NDUFA8: variants seen among roughly 807,000 people sequenced by gnomAD.
NDUFA8 encodes NADH:ubiquinone oxidoreductase subunit A8, also known as NADH dehydrogenase [ubiquinone] 1 alpha subcomplex subunit 8.
In NDUFA8, 16 loss-of-function variants were observed where a neutral mutation model predicts 20.9. That is an observed-to-expected ratio of 0.77 (90% CI 0.52 to 1.16). NDUFA8 has a LOEUF of 1.16. Among genes scored for constraint, NDUFA8 ranks in the 50% most tolerant of loss-of-function variants. The pLI is 0.00. For missense variants in NDUFA8, 202 were observed against 216.4 expected (o/e 0.93, Z 0.42); for synonymous variants, 70 against 76.1 (o/e 0.92, Z 0.41).
intron 2 of NDUFA8, among the ~76,000 whole-genome samples, chr9:122,150,971 CAAAAAAAAAAAAAA>C (rs71508152): frequency 2.0e-5 from 1 of 50,416 alleles, no homozygotes; most frequent in Non-Finnish European, 3.2e-5. Context: ...GACTCCGTCT[CAAAAAAAAAAAAAA>C]AAAAAAAAAA....
At chr9:122,153,375 C>CTATTCCATCTAGTAA (rs1564410204) in intron 1 of NDUFA8, among the ~76,000 whole-genome samples, 1 of 141,104 alleles carries the variant, frequency 7.1e-6, no homozygotes, top group African/African-American at 2.7e-5. Flanking sequence ...CAAAGAGCAT[C>CTATTCCATCTAGTAA]TAGTCCATCT....
chr9:122,144,224 G>A lies in NDUFA8; in HGVS notation c.*17C>T. 1.9e-6 allele frequency: 3 copies of A among 1,613,292 alleles called. No individual in the cohort carries two copies. The highest frequency in any genetic ancestry group is 3.3e-5 in the Admixed American group (2 of 60,034). ...GTTGTCTGAGCACATGACCGAGTGT[G>A]GGCCACGGACCCATCTTTACTTGGT... On this transcript the variant is annotated 3_prime_UTR_variant, in exon 4 of 4. Transcript: ENST00000373768.
intron 3 of NDUFA8, among the ~76,000 whole-genome samples, chr9:122,146,641 A>AATCCC (rs753542456): frequency 3.8e-4 from 58 of 152,370 alleles, no homozygotes; most frequent in Middle Eastern, 6.8e-3. Context: ...GGTGACCTGT[A>AATCCC]ATCCCATCAC....
rs746044728 is a variant in NDUFA8 at position 122,148,267 on chromosome 9, G to GT, written c.225dup (p.Arg76ThrfsTer15). ...TCTGTAAAAGGCTCTGCACAGTGACGTTTTATCTGCCTGGAAAAGAAAGCT... is the reference window on the plus strand; with the variant it reads ...TCTGTAAAAGGCTCTGCACAGTGACGTTTTTATCTGCCTGGAAAAGAAAGCT... On this transcript the variant is annotated frameshift_variant, in exon 3 of 4. Coordinates refer to ENST00000373768, the MANE Select transcript of NDUFA8 (RefSeq NM_014222.3). LOFTEE classifies it high-confidence loss of function. 7 of 1,613,956 alleles carry GT rather than the reference G, an allele frequency of 4.3e-6. No homozygotes were observed. Among genetic ancestry groups the GT allele is most frequent in the Non-Finnish European group, 5.9e-6 (7 of 1,179,996 alleles).
chr9:122,150,644 A>C (rs1828980547), intron 2 of NDUFA8, among the ~76,000 whole-genome samples: 1 of 152,072 alleles, frequency 6.6e-6, no homozygotes. Flanking sequence ...TGGTTGGTTT[A>C]TCCACTGATG....
intron 2 of NDUFA8, among the ~76,000 whole-genome samples, chr9:122,150,080 T>C (rs958272245): frequency 2.0e-5 from 3 of 152,110 alleles, no homozygotes; most frequent in South Asian, 2.1e-4. Context: ...ATACTATGCA[T>C]ACCAGAATCC....
chr9:122,146,949 G>A (rs1239005435), intron 3 of NDUFA8, among the ~76,000 whole-genome samples: 1 of 152,206 alleles, frequency 6.6e-6, no homozygotes, highest in East Asian at 1.9e-4. Context: ...AGGGAGCTGA[G>A]GCTGAAGAAG....
At chr9:122,153,487 C>T (rs571986961) in intron 1 of NDUFA8, among the ~76,000 whole-genome samples, 3 of 151,902 alleles carry the variant, frequency 2.0e-5, no homozygotes, top group Admixed American at 1.3e-4. Context: ...AGGTTGCCAC[C>T]CCTTTAACTA....
downstream of NDUFA8, among the ~76,000 whole-genome samples, chr9:122,142,181 G>A (rs188524533): frequency 1.7e-3 from 259 of 152,200 alleles, 2 homozygotes; most frequent in African/African-American, 1.9e-3. Context: ...AGGACCTACC[G>A]CAGACCTACT....
chr9:122,144,407 A>G, intron 3 of NDUFA8, 29 bp from the exon 4 acceptor site: 1 of 1,603,708 alleles, frequency 6.2e-7, no homozygotes, highest in African/African-American at 1.3e-5. Flanking sequence ...GCAAAAGCAA[A>G]GTTGAAAGCT....
downstream of NDUFA8, among the ~76,000 whole-genome samples, chr9:122,141,311 A>C (rs1276126519): frequency 6.6e-6 from 1 of 152,168 alleles, no homozygotes; most frequent in African/African-American, 2.4e-5. Context: ...CACGTGGAGC[A>C]AACTTGAGGA....
chr9:122,139,460 G>A (rs1367929949), downstream of NDUFA8, among the ~76,000 whole-genome samples: 1 of 152,114 alleles, frequency 6.6e-6, no homozygotes, highest in African/African-American at 2.4e-5. Context: ...CTCCACCAAT[G>A]GAATGGAAGT....
chr9:122,148,042 T>C (rs1828931678), intron 3 of NDUFA8, 70 bp downstream of exon 3: 2 of 1,588,326 alleles, frequency 1.3e-6, no homozygotes, highest in Admixed American at 3.3e-5. Flanking sequence ...AGAGACCCTT[T>C]GCTGACCACC....
At position 122,147,617 on chromosome 9, in the gene NDUFA8, A is replaced by ATTTTTT. The variant is rs34576446; in HGVS notation, c.381+489_381+494dup. On this transcript the variant is annotated intron_variant, in intron 3 of 3. Transcript: ENST00000373768. ...TGCACATGCTAGAAGGCCTAAAGAA[A>ATTTTTT]TTTTTTTTTTTTTTTTTTTTTTTGA... Among the ~76,000 whole-genome samples the ATTTTTT allele has an allele frequency of 5.2e-4, 55 of 106,762 alleles. 1 individual carries two copies. Among genetic ancestry groups the ATTTTTT allele is most frequent in the Non-Finnish European group, 6.0e-4 (34 of 56,560 alleles). 70.0% of individuals were successfully genotyped at this position (106,762 alleles called of 152,430 possible).
the NDUFA8 span, among the ~76,000 whole-genome samples, chr9:122,134,255 G>A: frequency 5.3e-5 from 8 of 152,264 alleles, no homozygotes; most frequent in Admixed American, 1.3e-4. Flanking sequence ...AAGCATTTCC[G>A]CATGTGTTAT....
At chr9:122,142,863 G>A (rs993716585), downstream of NDUFA8, among the ~76,000 whole-genome samples, 5 of 152,194 alleles carry the variant, frequency 3.3e-5, no homozygotes, top group East Asian at 9.6e-4. Flanking sequence ...CCACCAGAGG[G>A]GAATTCCAAT....
At chr9:122,141,459 A>G (rs913345898), downstream of NDUFA8, among the ~76,000 whole-genome samples, 1 of 152,164 alleles carries the variant, frequency 6.6e-6, no homozygotes, top group Non-Finnish European at 1.5e-5. Flanking sequence ...TACAGAAGAA[A>G]CTCAACAGGA....
At chr9:122,158,486 G>A (rs1183849445) in intron 1 of NDUFA8, among the ~76,000 whole-genome samples, 1 of 152,046 alleles carries the variant, frequency 6.6e-6, no homozygotes, top group Non-Finnish European at 1.5e-5. Context: ...GTTCTGCTAG[G>A]CCGTCTCATT....
the NDUFA8 span, among the ~76,000 whole-genome samples, chr9:122,136,087 G>C: frequency 6.6e-6 from 1 of 152,200 alleles, no homozygotes; most frequent in Non-Finnish European, 1.5e-5. Flanking sequence ...AGCTGTTCGG[G>C]ATCACATTGT....
Sources: gnomAD v4.1 joint callset for allele counts (sites outside exome capture counted in the v4.1 genomes callset) on GRCh38, gnomAD v4.1.1 for gene constraint, MANE v1.5 for transcripts, NCBI Gene and HGNC (gene_info 2026-07-23, HGNC 2026-07-21) for gene names.